Variants in LRRC72 observed in about 807,000 individuals in gnomAD.
LRRC72 encodes leucine-rich repeat-containing protein 72.
LRRC72 carries 41 observed loss-of-function variants against 35.8 expected under a neutral mutation model. That is an observed-to-expected ratio of 1.15 (90% CI 0.89 to 1.49). LRRC72 has a LOEUF of 1.49. LRRC72 is among the 40% of genes most tolerant of loss of function. The pLI, the probability that LRRC72 is intolerant of heterozygous loss-of-function variation, is 0.00. For missense variants in LRRC72, 389 were observed against 330.7 expected (o/e 1.18, Z -1.37); for synonymous variants, 118 against 119.2 (o/e 0.99, Z 0.07).
chr7:16,559,666 G>A (rs1782711092), intron 5 of LRRC72, among the ~76,000 whole-genome samples: 1 of 152,130 alleles, frequency 6.6e-6, no homozygotes, highest in South Asian at 2.1e-4. Context: ...AGAGGTAACT[G>A]TTTTTAAATA....
intron 7 of LRRC72, among the ~76,000 whole-genome samples, chr7:16,574,830 A>C (rs1462476063): frequency 6.6e-6 from 1 of 151,836 alleles, no homozygotes; most frequent in Non-Finnish European, 1.5e-5. Context: ...ATACTTGTCT[A>C]ACTCACCAGG....
chr7:16,527,177 A>G, intron 1 of LRRC72, 135 bp downstream of exon 1: 1 of 677,336 alleles, frequency 1.5e-6, no homozygotes, highest in Non-Finnish European at 2.5e-6. Context: ...GAGATAGGTC[A>G]GATTTCAAAT....
intron 2 of LRRC72, 65 bp from the exon 3 acceptor site, chr7:16,537,562 A>T: frequency 1.0e-6 from 1 of 973,922 alleles, no homozygotes; most frequent in Non-Finnish European, 1.5e-6. Flanking sequence ...TACTAACTAC[A>T]TGCCCAGACT....
chr7:16,546,591 G>A (rs1179813148), intron 3 of LRRC72, among the ~76,000 whole-genome samples: 2 of 152,116 alleles, frequency 1.3e-5, no homozygotes, highest in African/African-American at 4.8e-5. Flanking sequence ...ACCTCTGGTG[G>A]TTTTCTGCTA....
chr7:16,550,180 G>C (rs1782524294), intron 3 of LRRC72, among the ~76,000 whole-genome samples: 1 of 151,968 alleles, frequency 6.6e-6, no homozygotes, highest in Admixed American at 6.6e-5. Flanking sequence ...TCGCACCACT[G>C]CACTCCAACC....
chr7:16,539,262 C>A (rs186677125), intron 3 of LRRC72, among the ~76,000 whole-genome samples: 1 of 152,296 alleles, frequency 6.6e-6, no homozygotes, highest in Non-Finnish European at 1.5e-5. Context: ...TCATGCTATG[C>A]TTTAGCAAAG....
At chr7:16,569,668 A>G (rs111665874) in intron 7 of LRRC72, among the ~76,000 whole-genome samples, 76 of 152,058 alleles carry the variant, frequency 5.0e-4, no homozygotes, top group Middle Eastern at 3.4e-3. Context: ...ATTATAACCC[A>G]GGATGCACAG....
Position 16,556,048 on chromosome 7 carries a change from A to G in LRRC72, c.235-1312A>G, listed in dbSNP as rs79542119. ...AATGCAAATACATCTTTTAAATTTG[A>G]TGGATGTTATAGAGTCAATACTAAA... On this transcript the variant is annotated intron_variant, in intron 3 of 8. Coordinates refer to ENST00000401542, the MANE Select transcript of LRRC72 (RefSeq NM_001195280.2). 7.1e-3 allele frequency among the ~76,000 whole-genome samples: 1,064 copies of G among 150,176 alleles called. 12 individuals carry two copies. Among genetic ancestry groups the G allele is most frequent in the African/African-American group, 0.024 (1,006 of 41,200 alleles).
chr7:16,549,010 G>A (rs1782501294), intron 3 of LRRC72, among the ~76,000 whole-genome samples: 1 of 152,198 alleles, frequency 6.6e-6, no homozygotes, highest in African/African-American at 2.4e-5. Context: ...TTAGCACGGA[G>A]TCTGGCACAT....
intron 2 of LRRC72, among the ~76,000 whole-genome samples, chr7:16,534,446 A>C (rs1471352519): frequency 6.6e-6 from 1 of 152,196 alleles, no homozygotes; most frequent in Non-Finnish European, 1.5e-5. Flanking sequence ...TTTTTTAAAA[A>C]TTAAATTTTA....
intron 3 of LRRC72, among the ~76,000 whole-genome samples, chr7:16,540,339 C>T (rs894852151): frequency 8.5e-5 from 13 of 152,200 alleles, no homozygotes; most frequent in African/African-American, 2.7e-4. Flanking sequence ...AGAATGAGAA[C>T]ATTTACCCAA....
chr7:16,574,477 G>A (rs1583654446), intron 7 of LRRC72, among the ~76,000 whole-genome samples: 2 of 152,284 alleles, frequency 1.3e-5, no homozygotes, highest in Admixed American at 1.3e-4. Context: ...CCATAAAAAG[G>A]ATGAGTTCAT....
At chr7:16,544,528 T>C (rs1039838106) in intron 3 of LRRC72, among the ~76,000 whole-genome samples, 1 of 152,184 alleles carries the variant, frequency 6.6e-6, no homozygotes, top group African/African-American at 2.4e-5. Context: ...CTCTAACAAG[T>C]CTGACCCAGA....
chr7:16,578,219 G>A (rs1341378155), intron 7 of LRRC72, among the ~76,000 whole-genome samples: 1 of 152,146 alleles, frequency 6.6e-6, no homozygotes, highest in Non-Finnish European at 1.5e-5. Context: ...TATATTTGGA[G>A]GTATTAAAAA....
chr7:16,539,426 A>G (rs778284682), intron 3 of LRRC72, among the ~76,000 whole-genome samples: 1 of 152,252 alleles, frequency 6.6e-6, no homozygotes, highest in Non-Finnish European at 1.5e-5. Context: ...ATGCATTCAC[A>G]AAGAGATTAT....
intron 3 of LRRC72, among the ~76,000 whole-genome samples, chr7:16,548,353 C>T (rs929104176): frequency 1.8e-4 from 27 of 152,172 alleles, no homozygotes; most frequent in African/African-American, 6.3e-4. Flanking sequence ...TTGCCTGCCA[C>T]GTTGTGGGTG....
chr7:16,568,259 T>A (rs546426864), intron 7 of LRRC72, among the ~76,000 whole-genome samples: 3 of 152,300 alleles, frequency 2.0e-5, no homozygotes, highest in African/African-American at 7.2e-5. Context: ...CCCCCAAGCC[T>A]CACATCTCCA....
At chr7:16,576,858 A>G (rs1205991372) in intron 7 of LRRC72, among the ~76,000 whole-genome samples, 3 of 152,226 alleles carry the variant, frequency 2.0e-5, no homozygotes, top group African/African-American at 4.8e-5. Flanking sequence ...TGGGCCTGGC[A>G]GGTGAGGCAT....
At chr7:16,537,831 C>T (rs927175156) in intron 3 of LRRC72, 135 bp downstream of exon 3, 14 of 559,424 alleles carry the variant, frequency 2.5e-5, no homozygotes, top group African/African-American at 3.9e-5. Context: ...CCATATAAAA[C>T]ATATATATCT....
Sources: gnomAD v4.1 joint callset for allele counts (sites outside exome capture counted in the v4.1 genomes callset) on GRCh38, gnomAD v4.1.1 for gene constraint, MANE v1.5 for transcripts, NCBI Gene and HGNC (gene_info 2026-07-23, HGNC 2026-07-21) for gene names.